Variants in RBM10 observed in about 807,000 individuals in gnomAD.
RBM10 encodes the protein RNA-binding protein 10.
A neutral mutation model predicts 84.9 loss-of-function variants in RBM10; 1 was observed. The ratio of observed to expected loss-of-function variants is 0.01; its 90% confidence interval spans 0.00 to 0.06. The LOEUF is 0.06. RBM10 is among the 10% of genes least tolerant of loss of function. The pLI is 1.00. For synonymous variants in RBM10, 326 were observed against 344.5 expected (o/e 0.95, Z 0.60); for missense variants, 438 against 839.0 (o/e 0.52, Z 5.90).
intron 2 of RBM10, 27 bp downstream of exon 2, chrX:47,147,525 G>C (rs377459015): frequency 7.5e-6 from 9 of 1,206,456 alleles, no homozygotes; most frequent in Non-Finnish European, 9.0e-6. Context: ...CAGCTTCCCA[G>C]ACAGCCTAGG....
At position 47,185,603 on chromosome X, in the gene RBM10, G is replaced by A. The variant is rs782568303; in HGVS notation, c.2328G>A (p.Arg776=). ...TCCCCAGCAAAGAGGCGCTCATCCGGCACCAGCAGCTCTCAGGGCTCCACA... is the reference window on the plus strand; with the variant it reads ...TCCCCAGCAAAGAGGCGCTCATCCGACACCAGCAGCTCTCAGGGCTCCACA... The part of the protein sequence containing the change: ...RQFPSKEALI[R]HQQLSGLHKQ... The change falls in exon 20 of 24, where the codon CGG becomes CGA. Residue 776 remains arginine, a synonymous_variant. Coordinates refer to ENST00000377604, the MANE Select transcript of RBM10 (RefSeq NM_005676.5). 1.7e-6 allele frequency: 2 copies of A among 1,205,024 alleles called. No individual in the cohort carries two copies.
chrX:47,173,039 C>A, intron 4 of RBM10, 89 bp from the exon 5 acceptor site: 1 of 1,201,181 alleles, frequency 8.3e-7, no homozygotes, highest in Non-Finnish European at 1.1e-6. Context: ...CACCGATGAC[C>A]CCTCGGGATC....
intron 7 of RBM10, among the ~76,000 whole-genome samples, chrX:47,177,584 C>A (rs1375110446): frequency 9.0e-6 from 1 of 110,682 alleles, no homozygotes; most frequent in African/African-American, 3.3e-5. Flanking sequence ...GGAACTCCTT[C>A]CTGTGTTTCC....
At chrX:47,186,225 G>A (rs2147224788) in intron 22 of RBM10, 33 bp from the exon 23 acceptor site, 1 of 1,209,683 alleles carries the variant, frequency 8.3e-7, no homozygotes, top group Non-Finnish European at 1.1e-6. Context: ...GGGCCGGCAG[G>A]CCGACCACTC....
chrX:47,179,834 G>T (rs1556778100), intron 9 of RBM10, 46 bp from the exon 10 acceptor site: 1 of 1,171,439 alleles, frequency 8.5e-7, no homozygotes, highest in African/African-American at 1.8e-5. Context: ...GGCAGGGCTG[G>T]CAAGAGTGCC....
At chrX:47,162,857 G>T (rs188905327) in intron 2 of RBM10, among the ~76,000 whole-genome samples, 59 of 104,235 alleles carry the variant, frequency 5.7e-4, no homozygotes, top group African/African-American at 2.2e-3. Context: ...GCAACAAAGC[G>T]AGACTCCATC....
intron 2 of RBM10, among the ~76,000 whole-genome samples, chrX:47,163,202 C>A (rs1556767354): frequency 8.9e-6 from 1 of 111,735 alleles, no homozygotes; most frequent in African/African-American, 3.3e-5. Context: ...GACTGATAAA[C>A]CTTCACAGGC....
chrX:47,173,602 A>T (rs1340074337), intron 5 of RBM10, among the ~76,000 whole-genome samples: 1 of 112,376 alleles, frequency 8.9e-6, no homozygotes, highest in Non-Finnish European at 1.9e-5. Context: ...CTGACCAGAA[A>T]GTAGCTCTGA....
rs201100351 is a variant in RBM10 at position 47,182,275 on chromosome X, G to A, written c.1899G>A (p.Ser633=). Residue 633 remains serine (S), a synonymous_variant, in exon 17 of 24, where the codon TCG becomes TCA. Transcript: ENST00000377604. ...GACATAAGGAGACAGGGGCACCCTC[G>A]AAGGAGGGCAAAGAGAAGAAGGAGA... The part of the protein sequence containing the change: ...ADGHKETGAP[S]KEGKEKKEKH... The A allele has an allele frequency of 3.6e-5, 44 of 1,209,688 alleles. No homozygotes were observed. The highest frequency in any genetic ancestry group is 4.7e-5 in the Non-Finnish European group (42 of 894,776).
intron 2 of RBM10, among the ~76,000 whole-genome samples, chrX:47,162,803 G>A (rs1933838928): frequency 9.1e-6 from 1 of 109,703 alleles, no homozygotes; most frequent in African/African-American, 3.3e-5. Context: ...GAACCCGGGT[G>A]GAGGTTGCAA....
chrX:47,178,961 G>A (rs1556777352), intron 7 of RBM10, 142 bp from the exon 8 acceptor site: 14 of 1,119,536 alleles, frequency 1.3e-5, no homozygotes, highest in African/African-American at 1.8e-5. Context: ...ACATCAGAAG[G>A]TTCAGAAGGC....
intron 2 of RBM10, chrX:47,158,254 C>T: frequency 6.4e-6 from 1 of 156,892 alleles, no homozygotes. Flanking sequence ...TAGGCTGAGT[C>T]TGTTGGCCAG....
At chrX:47,155,730 CAA>C (rs1245227933) in intron 2 of RBM10, among the ~76,000 whole-genome samples, 5 of 28,806 alleles carry the variant, frequency 1.7e-4, no homozygotes, top group Non-Finnish European at 6.5e-5. Context: ...GACTCCATCT[CAA>C]AAAAAAAAAA....
chrX:47,164,299 A>G (rs1204064598), intron 2 of RBM10, among the ~76,000 whole-genome samples: 2 of 111,689 alleles, frequency 1.8e-5, no homozygotes, highest in African/African-American at 6.5e-5. Flanking sequence ...TCTTACAACA[A>G]CAAAATTATC....
intron 2 of RBM10, among the ~76,000 whole-genome samples, chrX:47,150,602 T>G (rs1231819898): frequency 8.9e-6 from 1 of 112,148 alleles, no homozygotes; most frequent in Non-Finnish European, 1.9e-5. Flanking sequence ...TCCTAAATAG[T>G]CCATTCTTTC....
At chrX:47,176,047 A>C (rs957381048) in intron 6 of RBM10, among the ~76,000 whole-genome samples, 13 of 112,394 alleles carry the variant, frequency 1.2e-4, no homozygotes, top group Non-Finnish European at 1.9e-4. Context: ...ATCTGTTCGA[A>C]ATGGCTCTTT....
At position 47,186,241 on chromosome X, in the gene RBM10, G is replaced by A. The variant is rs2147225020; in HGVS notation, c.2538-17G>A. On this transcript the variant is annotated splice_polypyrimidine_tract_variant and intron_variant, in intron 22 of 23. Transcript: ENST00000377604. ...GGCCGGCAGGCCGACCACTCATGCT[G>A]TGCACCGCCCCTGCAGAGACTTCGA... The A allele has an allele frequency of 8.3e-7, 1 of 1,210,211 alleles. No individual in the cohort carries two copies. Among genetic ancestry groups the A allele is most frequent in the South Asian group, 1.8e-5 (1 of 56,771 alleles).
At position 47,182,142 on chromosome X, in the gene RBM10, C is replaced by T. The variant is rs782699798; in HGVS notation, c.1786-20C>T. 7 of 1,210,006 alleles carry T rather than the reference C, an allele frequency of 5.8e-6. No individual in the cohort carries two copies. Among genetic ancestry groups the T allele is most frequent in the African/African-American group, 5.2e-5 (3 of 57,165 alleles). The stretch of plus-strand genomic sequence containing the variant: ...CACAAGGTCTTCCCTCACATCCCCT[C>T]TTCCCTCCTCCTCCCTCAGTATTAC... On this transcript the variant is annotated intron_variant, in intron 16 of 23. Transcript: ENST00000377604.
At position 47,185,041 on chromosome X, in the gene RBM10, A is replaced by C. The variant is rs2147209388; in HGVS notation, c.1951-14A>C. 1 of 1,204,541 alleles carries C rather than the reference A, an allele frequency of 8.3e-7. No homozygotes were observed. Among genetic ancestry groups the C allele is most frequent in the Non-Finnish European group, 1.1e-6 (1 of 892,133 alleles). On this transcript the variant is annotated splice_polypyrimidine_tract_variant and intron_variant, in intron 17 of 23. Transcript: ENST00000377604. Reference sequence around the variant, plus strand: ...TGAGGGTTCTGGGAACCTCACCTCCACCCTCACCCCCAGATTGCCAAGGAC... The same window carrying C: ...TGAGGGTTCTGGGAACCTCACCTCCCCCCTCACCCCCAGATTGCCAAGGAC...
Sources: gnomAD v4.1 joint callset for allele counts (sites outside exome capture counted in the v4.1 genomes callset) on GRCh38, gnomAD v4.1.1 for gene constraint, MANE v1.5 for transcripts, NCBI Gene and HGNC (gene_info 2026-07-23, HGNC 2026-07-21) for gene names.